The following XRN2 variants were observed in gnomAD, a reference collection of about 807,000 sequenced individuals.
XRN2 encodes the protein 5'-3' exoribonuclease 2.
In XRN2, 44 loss-of-function variants were observed where a neutral mutation model predicts 138.5. The observed-to-expected ratio is 0.32, with a 90% confidence interval of 0.25 to 0.41. XRN2 has a LOEUF of 0.41. Among genes scored for constraint, XRN2 ranks in the 10% least tolerant of loss-of-function variants. XRN2 has a pLI of 1.00. For missense variants in XRN2, 937 were observed against 1,169.3 expected, an observed-to-expected ratio of 0.80 and a Z score of 2.90; for synonymous variants, 354 against 369.4, an observed-to-expected ratio of 0.96 and a Z score of 0.48.
intron 16 of XRN2, among the ~76,000 whole-genome samples, chr20:21,344,731 CAGA>C (rs1379948834): frequency 5.3e-5 from 8 of 152,162 alleles, no homozygotes; most frequent in African/African-American, 1.9e-4. Context: ...TATTTCATGA[CAGA>C]GGAGTTTCCC....
chr20:21,354,948 CT>C (rs2038558441), intron 21 of XRN2, 76 bp downstream of exon 21: 1 of 1,178,124 alleles, frequency 8.5e-7, no homozygotes, highest in Admixed American at 2.4e-5. Context: ...TTAGACCTTC[CT>C]TCTCCTGTTT....
In XRN2 at chr20:21,356,651, C is replaced by T. The variant is rs762491454; in HGVS notation, c.2184C>T (p.Ala728=). ...IQGKFSLDEE[A]ILPDQIVCSP... is the part of the protein sequence containing the mutation. ...GAAAGTTTTCTTTGGATGAAGAAGC[C>T]ATTCTTCCAGATCAGTAAGTTTCAT... The change falls in exon 23 of 30, where the codon GCC becomes GCT. Residue 728 remains alanine (A), a synonymous_variant. Coordinates refer to ENST00000377191, the MANE Select transcript of XRN2 (RefSeq NM_012255.5). The T allele has an allele frequency of 3.7e-6, 6 of 1,613,310 alleles. No individual in the cohort carries two copies. In the South Asian group the frequency reaches 4.4e-5, roughly 12 times the overall value.
intron 22 of XRN2, 143 bp downstream of exon 22, chr20:21,356,320 G>A (rs2038575558): frequency 3.0e-6 from 2 of 662,812 alleles, no homozygotes; most frequent in South Asian, 2.3e-5. Context: ...ATAACCATTA[G>A]CACTTTTTCA....
intron 28 of XRN2, among the ~76,000 whole-genome samples, chr20:21,384,858 A>G (rs1337653541): frequency 6.6e-6 from 1 of 152,228 alleles, no homozygotes; most frequent in Non-Finnish European, 1.5e-5. Flanking sequence ...TTTAAAACAT[A>G]ATTTCCTAGG....
intron 27 of XRN2, among the ~76,000 whole-genome samples, chr20:21,377,260 TTTTC>T (rs2038833402): frequency 1.8e-5 from 2 of 111,968 alleles, no homozygotes. Context: ...TTTGTCGGTT[TTTTC>T]TTTTTTTTTT....
At chr20:21,348,858 T>C (rs1383885945) in intron 19 of XRN2, among the ~76,000 whole-genome samples, 2 of 152,164 alleles carry the variant, frequency 1.3e-5, no homozygotes, top group African/African-American at 4.8e-5. Flanking sequence ...TTAGCCAGGA[T>C]GGTCTTGATC....
At chr20:21,384,708 G>T (rs2038919895) in intron 28 of XRN2, among the ~76,000 whole-genome samples, 2 of 152,172 alleles carry the variant, frequency 1.3e-5, no homozygotes, top group Non-Finnish European at 2.9e-5. Context: ...GCCTAGGCTG[G>T]TCTCAAACTC....
At chr20:21,320,317 T>A (rs1420450784) in intron 1 of XRN2, among the ~76,000 whole-genome samples, 3 of 40,572 alleles carry the variant, frequency 7.4e-5, no homozygotes, top group Non-Finnish European at 2.1e-4. Flanking sequence ...TTATTTATTT[T>A]GAGACGGAGT....
rs768422695 is a variant in XRN2, at chr20:21,326,590, A to G, written c.304A>G (p.Ile102Val). Residue 102 changes from isoleucine to valine, a missense_variant, in exon 3 of 30, where the codon ATA becomes GTA. Ile to Val is a conservative substitution (Grantham distance 29). This residue lies in a region of XRN2 where 51 missense variants were observed against 93.5 expected (regional missense o/e 0.55). Transcript: ENST00000377191. ...ACCAAGAAGACTTCTCTACATGGCA[A>G]TAGATGGAGTGGTAAGTGCTAAAAT... is the stretch of plus-strand genomic sequence containing the variant. ...VRPRRLLYMA[I>V]DGVAPRAKMN... The G allele has an allele frequency of 5.6e-6, 9 of 1,613,444 alleles. No individual in the cohort carries two copies. The East Asian group carries it at 1.1e-4, about 20-fold the overall frequency.
At chr20:21,304,022 A>C (rs1174612342) in intron 1 of XRN2, among the ~76,000 whole-genome samples, 1 of 152,194 alleles carries the variant, frequency 6.6e-6, no homozygotes, top group Non-Finnish European at 1.5e-5. Context: ...TGAAAGCAGT[A>C]TGTCAGGTCC....
intron 1 of XRN2, among the ~76,000 whole-genome samples, chr20:21,325,616 A>G (rs1046511291): frequency 6.6e-5 from 10 of 152,218 alleles, no homozygotes; most frequent in Non-Finnish European, 1.5e-4. Context: ...GACGGCATTG[A>G]GAGATCAAAA....
intron 27 of XRN2, among the ~76,000 whole-genome samples, chr20:21,378,854 G>A (rs1406357004): frequency 2.0e-5 from 3 of 152,132 alleles, no homozygotes; most frequent in Non-Finnish European, 2.9e-5. Context: ...TATTGTTGGT[G>A]TTTGATTTGT....
intron 21 of XRN2, 144 bp from the exon 22 acceptor site, chr20:21,355,936 C>T: frequency 2.0e-6 from 1 of 500,334 alleles, no homozygotes; most frequent in Non-Finnish European, 3.5e-6. Context: ...TCTTGTCTAA[C>T]CTATCACTTT....
At chr20:21,389,194 T>C (rs1600725593) in intron 29 of XRN2, 79 bp from the exon 30 acceptor site, 1 of 1,321,362 alleles carries the variant, frequency 7.6e-7, no homozygotes, top group East Asian at 2.5e-5. Flanking sequence ...ATGATGTGTT[T>C]TTCCATAGAG....
At chr20:21,357,377 C>T (rs552903032) in intron 23 of XRN2, among the ~76,000 whole-genome samples, 99 of 152,212 alleles carry the variant, frequency 6.5e-4, no homozygotes, top group Middle Eastern at 3.4e-3. Context: ...AAGGTGGTTA[C>T]ACTGTGTTGT....
Position 21,353,804 on chromosome 20 carries a change from A to AC in XRN2, c.1937-985_1937-984insC, listed in dbSNP as rs1238825051. 1.4e-4 allele frequency among the ~76,000 whole-genome samples: 21 copies of AC among 151,556 alleles called. No individual in the cohort carries two copies. The East Asian group carries it at 4.1e-3, about 29-fold the overall frequency. ...AGTGAGACCCTATCTTAAAAAAAAA[A>AC]AAAAAACAACTGTTACTAGGTAGTG... On this transcript the variant is annotated intron_variant, in intron 20 of 29. Coordinates refer to ENST00000377191, the MANE Select transcript of XRN2 (RefSeq NM_012255.5).
chr20:21,318,536 T>TTA (rs58562174), intron 1 of XRN2, among the ~76,000 whole-genome samples: 1,556 of 152,232 alleles, frequency 0.01, 53 homozygotes, highest in Admixed American at 0.066. Flanking sequence ...TTAATTAACT[T>TTA]TTTCAGAGCC....
At chr20:21,316,359 A>G (rs1425410513) in intron 1 of XRN2, among the ~76,000 whole-genome samples, 2 of 152,198 alleles carry the variant, frequency 1.3e-5, no homozygotes, top group African/African-American at 2.4e-5. Flanking sequence ...TAAGAATTCC[A>G]TTGCCAAATT....
At chr20:21,374,551 C>T (rs374432746) in intron 27 of XRN2, among the ~76,000 whole-genome samples, 1 of 152,016 alleles carries the variant, frequency 6.6e-6, no homozygotes, top group Admixed American at 6.6e-5. Context: ...TCTCTAAAAC[C>T]TGGGGGTTTT....
Sources: allele counts gnomAD v4.1 joint callset (sites outside exome capture counted in the v4.1 genomes callset), GRCh38; gene constraint gnomAD v4.1.1; regional missense constraint gnomAD v4.1.1; transcripts MANE v1.5; gene names NCBI Gene and HGNC (gene_info 2026-07-23, HGNC 2026-07-21).